The following MEIS2 variants were observed in gnomAD, a reference collection of about 807,000 sequenced individuals.
MEIS2 encodes Meis homeobox 2.
MEIS2 carries 9 observed loss-of-function variants against 58.6 expected under a neutral mutation model. The ratio of observed to expected loss-of-function variants is 0.15; its 90% CI spans 0.09 to 0.27. MEIS2 has a LOEUF of 0.27. MEIS2 is among the 10% of genes least tolerant of loss of function. The pLI is 1.00. For synonymous variants in MEIS2, 221 were observed against 228.4 expected, an observed-to-expected ratio of 0.97 and a Z score of 0.29; for missense variants, 427 against 635.0, an observed-to-expected ratio of 0.67 and a Z score of 3.52.
chr15:36,979,621 A>G (rs1220151597), intron 8 of MEIS2, among the ~76,000 whole-genome samples: 1 of 150,940 alleles, frequency 6.6e-6, no homozygotes, highest in Non-Finnish European at 1.5e-5. Context: ...TTGATTGCAT[A>G]CACTCAGCAA....
At chr15:36,976,261 T>G (rs1458907402) in intron 8 of MEIS2, among the ~76,000 whole-genome samples, 1 of 151,890 alleles carries the variant, frequency 6.6e-6, no homozygotes. Context: ...ATTTTTTGTA[T>G]TTTTAGTAGA....
chr15:36,894,453 T>A, intron 11 of MEIS2: 1 of 247,878 alleles, frequency 4.0e-6, no homozygotes, highest in South Asian at 7.2e-5. Flanking sequence ...TCTGTGTTTG[T>A]GCACATTGGG....
rs1005410378 is a variant in MEIS2, at chr15:36,922,625, T to C, written c.978-25939A>G. ...TCAGTAACTTTCTTTCTTTCTTTTT[T>C]TTTTTTTTTTTGTGATGGAGTTTTG... is the stretch of plus-strand genomic sequence containing the variant. On this transcript the variant is annotated intron_variant, in intron 9 of 11. Coordinates refer to ENST00000561208, the MANE Select transcript of MEIS2 (RefSeq NM_170675.5). Among the ~76,000 whole-genome samples the C allele has an allele frequency of 4.9e-4, 72 of 147,730 alleles. 1 individual carries two copies. Among genetic ancestry groups the C allele is most frequent in the African/African-American group, 1.7e-3 (68 of 38,938 alleles).
At chr15:36,905,452 G>C (rs1351866482) in intron 9 of MEIS2, among the ~76,000 whole-genome samples, 1 of 152,058 alleles carries the variant, frequency 6.6e-6, no homozygotes, top group Non-Finnish European at 1.5e-5. Context: ...CCAGTCAAAA[G>C]TTACTAATCA....
At chr15:36,971,844 G>A (rs1185687543) in intron 8 of MEIS2, among the ~76,000 whole-genome samples, 1 of 152,156 alleles carries the variant, frequency 6.6e-6, no homozygotes, top group East Asian at 1.9e-4. Flanking sequence ...AATTGGGGTT[G>A]AAAGTGGCAG....
At chr15:37,085,181 A>T (rs902639967) in intron 6 of MEIS2, among the ~76,000 whole-genome samples, 1 of 152,228 alleles carries the variant, frequency 6.6e-6, no homozygotes, top group Admixed American at 6.5e-5. Flanking sequence ...CAAAATATAC[A>T]AAGTATATCA....
At chr15:37,068,370 G>A (rs1206638327) in intron 7 of MEIS2, among the ~76,000 whole-genome samples, 1 of 152,144 alleles carries the variant, frequency 6.6e-6, no homozygotes, top group Non-Finnish European at 1.5e-5. Context: ...CACAGATTTG[G>A]TGACTGACGC....
chr15:36,985,503 G>T (rs540144791), intron 8 of MEIS2, among the ~76,000 whole-genome samples: 1 of 152,152 alleles, frequency 6.6e-6, no homozygotes, highest in Non-Finnish European at 1.5e-5. Flanking sequence ...TCTGGATCTT[G>T]AATTGGAGCA....
chr15:37,082,502 C>T (rs867985559), intron 7 of MEIS2, among the ~76,000 whole-genome samples: 1 of 152,122 alleles, frequency 6.6e-6, no homozygotes, highest in South Asian at 2.1e-4. Context: ...TAAGTCATTG[C>T]TTGCAGATCC....
At position 37,094,510 on chromosome 15, in the gene MEIS2, C is replaced by A. The variant is rs1229581454; in HGVS notation, c.489+17G>T. On this transcript the variant is annotated intron_variant, in intron 5 of 11. Transcript: ENST00000561208. ...GAAATGGTTTAATCAACACGGGGAG[C>A]GTTATTTCCTGCTTACCTTTTCTAA... The A allele has an allele frequency of 6.2e-7, 1 of 1,610,998 alleles. No individual in the cohort carries two copies.
chr15:36,891,160 T>C lies in MEIS2; in HGVS notation c.*1013A>G, dbSNP rs1238960492. On this transcript the variant is annotated 3_prime_UTR_variant, in exon 12 of 12. Coordinates refer to ENST00000561208, the MANE Select transcript of MEIS2 (RefSeq NM_170675.5). ...GCTTAAAGGTAACAGCATTTTCTTC[T>C]AGTGAGGAACACGTGCTGAGAAAAG... The C allele has an allele frequency of 6.6e-6, 1 of 152,582 alleles. No individual in the cohort carries two copies. Among genetic ancestry groups the C allele is most frequent in the Admixed American group, 6.5e-5 (1 of 15,280 alleles). The allele number at this position is 152,582 out of a possible 1,614,324, so 9.5% of individuals were successfully genotyped here.
At position 37,099,600 on chromosome 15, in the gene MEIS2, C is replaced by G; in HGVS notation, c.-134G>C. 7.6e-7 allele frequency: 1 copy of G among 1,318,976 alleles called. No homozygotes were observed. Among genetic ancestry groups the G allele is most frequent in the South Asian group, 1.5e-5 (1 of 64,554 alleles). 81.7% of individuals were successfully genotyped at this position (1,318,976 alleles called of 1,614,324 possible). On this transcript the variant is annotated 5_prime_UTR_variant, in exon 1 of 12. Coordinates refer to ENST00000561208, the MANE Select transcript of MEIS2 (RefSeq NM_170675.5). The stretch of plus-strand genomic sequence containing the variant: ...AGACTTCTCCCAATTCTCCAATATG[C>G]TATTTTTTAGGGGGGAAAAAAAGCC...
chr15:37,009,211 C>T (rs1029128387), intron 8 of MEIS2, among the ~76,000 whole-genome samples: 3 of 152,172 alleles, frequency 2.0e-5, no homozygotes, highest in African/African-American at 7.2e-5. Context: ...ATGGCATGAA[C>T]CTGGGAGGCG....
chr15:37,022,380 G>A (rs1467419911), intron 8 of MEIS2, among the ~76,000 whole-genome samples: 1 of 152,072 alleles, frequency 6.6e-6, no homozygotes, highest in African/African-American at 2.4e-5. Flanking sequence ...GGAACTAAAG[G>A]TGCACACCAG....
At chr15:36,920,049 A>C (rs1298196771) in intron 9 of MEIS2, among the ~76,000 whole-genome samples, 1 of 152,200 alleles carries the variant, frequency 6.6e-6, no homozygotes, top group Non-Finnish European at 1.5e-5. Context: ...CTGATGCTGG[A>C]ATAAGAAAAA....
At chr15:36,921,564 T>C (rs140547652) in intron 9 of MEIS2, among the ~76,000 whole-genome samples, 60 of 152,336 alleles carry the variant, frequency 3.9e-4, no homozygotes, top group African/African-American at 1.3e-3. Context: ...TGTCGGTCTG[T>C]CTTCTCCTGA....
At chr15:37,095,804 C>T in intron 3 of MEIS2, 190 bp from the exon 4 acceptor site, 1 of 764,310 alleles carries the variant, frequency 1.3e-6, no homozygotes, top group Non-Finnish European at 2.1e-6. Context: ...GGTCCTGGCC[C>T]CATTAAGGGG....
intron 9 of MEIS2, among the ~76,000 whole-genome samples, chr15:36,925,034 G>A (rs1301476127): frequency 1.3e-5 from 2 of 152,156 alleles, no homozygotes; most frequent in Non-Finnish European, 2.9e-5. Flanking sequence ...CTCACCTCGG[G>A]ACGCCTTGCA....
chr15:36,983,740 G>A (rs1365755119), intron 8 of MEIS2, among the ~76,000 whole-genome samples: 1 of 151,956 alleles, frequency 6.6e-6, no homozygotes, highest in Non-Finnish European at 1.5e-5. Context: ...TAGGTAGTAT[G>A]GACATTTTAA....
Sources: gnomAD v4.1 joint callset for allele counts (sites outside exome capture counted in the v4.1 genomes callset) on GRCh38, gnomAD v4.1.1 for gene constraint, MANE v1.5 for transcripts, NCBI Gene and HGNC (gene_info 2026-07-23, HGNC 2026-07-21) for gene names.